TM2D3: variants seen among roughly 807,000 people sequenced by gnomAD.
TM2D3 encodes TM2 domain containing 3.
A neutral mutation model predicts 27.3 loss-of-function variants in TM2D3; 33 were observed. The observed-to-expected ratio is 1.21, with a 90% CI of 0.92 to 1.61. The LOEUF is 1.61. Ranked by LOEUF, TM2D3 falls within the 40% of genes most tolerant of loss-of-function variation. TM2D3 has a pLI of 0.00. For synonymous variants in TM2D3, 138 were observed against 122.2 expected (o/e 1.13, Z -0.85); for missense variants, 364 against 320.8 (o/e 1.13, Z -1.03).
chr15:101,643,900 A>T (rs955520996), intron 5 of TM2D3, among the ~76,000 whole-genome samples: 2 of 152,068 alleles, frequency 1.3e-5, no homozygotes, highest in African/African-American at 4.8e-5. Context: ...CTGAGGCTGG[A>T]GTGCAGTGGT....
Position 101,646,861 on chromosome 15 carries a change from G to A in TM2D3, c.366C>T (p.Asn122=), listed in dbSNP as rs1896826942. The A allele has an allele frequency of 1.2e-6, 2 of 1,614,096 alleles. No homozygotes were observed. Among genetic ancestry groups the A allele is most frequent in the Admixed American group, 1.7e-5 (1 of 60,008 alleles). Residue 122 remains asparagine, a synonymous_variant, in exon 4 of 6, where the codon AAC becomes AAT. Transcript: ENST00000333202. ...DFKSQKNFII[N]MTCRFCWQLP... ...GCTGCCAGCAAAATCTGCAAGTCATGTTAATGATGAAGTTCTTTTGGGATT... is the reference window on the plus strand; with the variant it reads ...GCTGCCAGCAAAATCTGCAAGTCATATTAATGATGAAGTTCTTTTGGGATT...
intron 3 of TM2D3, among the ~76,000 whole-genome samples, chr15:101,649,470 T>A (rs1349125511): frequency 6.6e-6 from 1 of 152,220 alleles, no homozygotes; most frequent in Admixed American, 6.5e-5. Context: ...GGGTTTCATT[T>A]TTCACATTAC....
intron 5 of TM2D3, among the ~76,000 whole-genome samples, chr15:101,643,858 CTTTT>C (rs762147806): frequency 6.6e-6 from 1 of 151,098 alleles, no homozygotes; most frequent in Non-Finnish European, 1.5e-5. Context: ...GGTTACTAAT[CTTTT>C]TTTTTGAGAC....
At chr15:101,652,193 G>T in intron 1 of TM2D3, 78 bp downstream of exon 1, 3 of 1,323,864 alleles carry the variant, frequency 2.3e-6, no homozygotes, top group African/African-American at 1.5e-5. Context: ...GTCCGCCCGT[G>T]GGCCCGGCCT....
intron 5 of TM2D3, 61 bp from the exon 6 acceptor site, chr15:101,642,705 C>T (rs1896699999): frequency 4.9e-6 from 7 of 1,422,142 alleles, no homozygotes; most frequent in Admixed American, 2.3e-5. Context: ...TGGCCAGTCA[C>T]GGTTTAATCA....
At chr15:101,645,319 C>CTA in intron 4 of TM2D3, 157 bp from the exon 5 acceptor site, 1 of 625,260 alleles carries the variant, frequency 1.6e-6, no homozygotes, top group South Asian at 2.0e-5. Context: ...TACCATCTAT[C>CTA]TACATAGATG....
chr15:101,642,364 A>G lies in TM2D3; in HGVS notation c.*115T>C, dbSNP rs114836516. 5.2e-4 allele frequency: 709 copies of G among 1,360,782 alleles called. 3 individuals carry two copies. The African/African-American group carries it at 9.5e-3, about 18-fold the overall frequency. 84.3% of individuals were successfully genotyped at this position (1,360,782 alleles called of 1,614,324 possible). A position where few individuals can be genotyped will look rare whatever the true frequency, so the allele number is the denominator to read the frequency against. ...TTATCTTACCTTTATCAAGGCAAAC[A>G]AAGTACAGATGCTGTACATTAAAAA... On this transcript the variant is annotated 3_prime_UTR_variant, in exon 6 of 6. Transcript: ENST00000333202.
intron 4 of TM2D3, chr15:101,645,941 T>C (rs992884366): frequency 1.3e-5 from 2 of 152,132 alleles, no homozygotes; most frequent in Non-Finnish European, 2.9e-5. Flanking sequence ...AGAATATGGC[T>C]CATCAGGAAC....
At chr15:101,648,927 G>GT (rs1896893702) in intron 3 of TM2D3, among the ~76,000 whole-genome samples, 1 of 152,116 alleles carries the variant, frequency 6.6e-6, no homozygotes, top group Non-Finnish European at 1.5e-5. Context: ...GTGTGCATGT[G>GT]TAAGTTTAAC....
At chr15:101,642,694 G>A in intron 5 of TM2D3, 50 bp from the exon 6 acceptor site, 1 of 1,500,616 alleles carries the variant, frequency 6.7e-7, no homozygotes, top group South Asian at 1.3e-5. Flanking sequence ...CACCCCAGCT[G>A]TGGCCAGTCA....
At chr15:101,649,247 T>C (rs1221282144) in intron 3 of TM2D3, among the ~76,000 whole-genome samples, 2 of 152,232 alleles carry the variant, frequency 1.3e-5, no homozygotes, top group African/African-American at 4.8e-5. Context: ...TACTGTATTA[T>C]TTGTCACATA....
intron 2 of TM2D3, 128 bp from the exon 3 acceptor site, chr15:101,650,289 A>C (rs1896935695): frequency 1.0e-6 from 1 of 952,770 alleles, no homozygotes; most frequent in African/African-American, 1.7e-5. Context: ...GAAGCATGGG[A>C]CTGGAGTCAG....
intron 1 of TM2D3, 65 bp from the exon 2 acceptor site, chr15:101,651,838 G>C (rs1896982147): frequency 3.8e-6 from 6 of 1,559,342 alleles, no homozygotes; most frequent in South Asian, 1.1e-5. Flanking sequence ...CTTATTTTGT[G>C]TGGTTAACAC....
Position 101,642,363 on chromosome 15 carries a change from C to T in TM2D3, c.*116G>A. On this transcript the variant is annotated 3_prime_UTR_variant, in exon 6 of 6. Coordinates refer to ENST00000333202, the MANE Select transcript of TM2D3 (RefSeq NM_078474.3). The stretch of plus-strand genomic sequence containing the variant: ...TTTATCTTACCTTTATCAAGGCAAA[C>T]AAAGTACAGATGCTGTACATTAAAA... 1 of 1,358,210 alleles carries T rather than the reference C, an allele frequency of 7.4e-7. No homozygotes were observed. The highest frequency in any genetic ancestry group is 9.5e-7 in the Non-Finnish European group (1 of 1,050,514). 84.1% of individuals were successfully genotyped at this position (1,358,210 alleles called of 1,614,324 possible).
intron 4 of TM2D3, chr15:101,646,286 A>T: frequency 5.9e-6 from 1 of 170,850 alleles, no homozygotes; most frequent in East Asian, 1.6e-4. Context: ...GCATTATTGA[A>T]TATTATTTTA....
At chr15:101,640,630 T>C (rs557337710), downstream of TM2D3, among the ~76,000 whole-genome samples, 8 of 152,360 alleles carry the variant, frequency 5.3e-5, no homozygotes, top group African/African-American at 1.9e-4. Flanking sequence ...AGTTTTACTT[T>C]GCAGTTTCTT....
chr15:101,651,557 TTA>T (rs1896968669), intron 2 of TM2D3, 137 bp downstream of exon 2: 2 of 852,626 alleles, frequency 2.3e-6, no homozygotes, highest in Non-Finnish European at 3.7e-6. Context: ...GTATCTACCC[TTA>T]ATTCACATAA....
At chr15:101,647,550 T>C (rs1896847356) in intron 3 of TM2D3, among the ~76,000 whole-genome samples, 1 of 152,198 alleles carries the variant, frequency 6.6e-6, no homozygotes, top group Admixed American at 6.5e-5. Context: ...GGAGGCTCAG[T>C]GAGTGTTCAC....
chr15:101,633,613 A>G, exon 5 of TM2D3: 1 of 1,352,168 alleles, frequency 7.4e-7, no homozygotes. Flanking sequence ...AACACAGTGT[A>G]ATTCAGCACT....
Sources: allele counts gnomAD v4.1 joint callset (sites outside exome capture counted in the v4.1 genomes callset), GRCh38; gene constraint gnomAD v4.1.1; transcripts MANE v1.5; gene names NCBI Gene and HGNC (gene_info 2026-07-23, HGNC 2026-07-21).